Variants in CSMD1 observed in about 807,000 individuals in gnomAD.
CSMD1 encodes the protein CUB and sushi domain-containing protein 1.
CSMD1 carries 213 observed loss-of-function variants against 417.5 expected under a neutral mutation model. The observed-to-expected ratio is 0.51, with a 90% confidence interval of 0.46 to 0.57. The LOEUF (loss-of-function observed/expected upper bound fraction) is 0.57, where lower values mean the gene tolerates loss of function less well. Among genes scored for constraint, CSMD1 ranks in the 20% least tolerant of loss-of-function variants. The pLI, the probability that CSMD1 is intolerant of heterozygous loss-of-function variation, is 0.00. For missense variants in CSMD1, 6,923 were observed against 4,529.7 expected (o/e 1.53, Z -15.17); for synonymous variants, 2,862 against 1,736.8 (o/e 1.65, Z -16.11).
At chr8:3,359,432 A>C in intron 20 of CSMD1, 92 bp from the exon 21 acceptor site, 1 of 933,130 alleles carries the variant, frequency 1.1e-6, no homozygotes, top group Non-Finnish European at 1.6e-6. Context: ...TTACTAAAAA[A>C]AAAAAAAAAA....
intron 5 of CSMD1, among the ~76,000 whole-genome samples, chr8:3,807,852 G>T (rs915783482): frequency 6.6e-6 from 1 of 152,128 alleles, no homozygotes; most frequent in African/African-American, 2.4e-5. Context: ...GAATGACTGT[G>T]CTCCCTTGGG....
chr8:3,521,655 G>C (rs1797513813), intron 10 of CSMD1, among the ~76,000 whole-genome samples: 1 of 152,318 alleles, frequency 6.6e-6, no homozygotes, highest in South Asian at 2.1e-4. Flanking sequence ...GGATTAAACA[G>C]TAAATGTTAT....
intron 3 of CSMD1, among the ~76,000 whole-genome samples, chr8:4,376,662 A>G (rs1308481808): frequency 2.6e-5 from 4 of 152,208 alleles, no homozygotes; most frequent in South Asian, 2.1e-4. Flanking sequence ...AGCCGTGCTC[A>G]TATCACACCG....
intron 5 of CSMD1, among the ~76,000 whole-genome samples, chr8:3,817,282 T>TA: frequency 1.6e-5 from 1 of 64,134 alleles, no homozygotes; most frequent in African/African-American, 7.8e-5. Flanking sequence ...TTTTTTTTTT[T>TA]TTTTTTTTTT....
intron 8 of CSMD1, among the ~76,000 whole-genome samples, chr8:3,611,907 AC>A (rs1441734792): frequency 5.9e-5 from 9 of 152,098 alleles, no homozygotes; most frequent in Non-Finnish European, 2.9e-5. Flanking sequence ...TATTTTCAAA[AC>A]CCCATATCCA....
rs1584970114 is a variant in CSMD1 at position 3,307,798 on chromosome 8, C to G, written c.3847G>C (p.Ala1283Pro). 2 of 1,613,490 alleles carry G rather than the reference C, an allele frequency of 1.2e-6. No individual in the cohort carries two copies. Among genetic ancestry groups the G allele is most frequent in the Non-Finnish European group, 1.7e-6 (2 of 1,179,570 alleles). Residue 1283 changes from alanine to proline, a missense_variant, in exon 25 of 70, where the codon GCA becomes CCA. Transcript: ENST00000635120. ...CIAECGGQIH[A>P]ATSGRILSPG... The stretch of plus-strand genomic sequence containing the variant: ...GACAATATTCGTCCTGATGTGGCTG[C>G]ATGGATCTGACCACCACATTCCGCT...
intron 1 of CSMD1, among the ~76,000 whole-genome samples, chr8:4,893,680 T>A (rs985395838): frequency 2.0e-5 from 3 of 152,164 alleles, no homozygotes; most frequent in African/African-American, 7.2e-5. Flanking sequence ...TGGTTCAAAC[T>A]GTCACCTGTA....
intron 1 of CSMD1, among the ~76,000 whole-genome samples, chr8:4,802,350 C>CGT (rs1422073371): frequency 5.0e-3 from 696 of 138,634 alleles, no homozygotes; most frequent in African/African-American, 7.7e-3. Context: ...AGTGTGTGCG[C>CGT]GCGTGTGTGT....
At chr8:3,846,468 T>C (rs1196100087) in intron 5 of CSMD1, among the ~76,000 whole-genome samples, 2 of 152,178 alleles carry the variant, frequency 1.3e-5, no homozygotes, top group African/African-American at 2.4e-5. Flanking sequence ...ATAACCTTCC[T>C]CTCAGTTTTT....
chr8:4,298,126 G>T (rs1449604375), intron 3 of CSMD1, among the ~76,000 whole-genome samples: 2 of 152,014 alleles, frequency 1.3e-5, no homozygotes, highest in African/African-American at 2.4e-5. Context: ...AGGGCACTGG[G>T]GACATATTCA....
chr8:3,770,258 T>C (rs1046266594), intron 5 of CSMD1, among the ~76,000 whole-genome samples: 1 of 152,172 alleles, frequency 6.6e-6, no homozygotes, highest in South Asian at 2.1e-4. Flanking sequence ...CTGGGCACAG[T>C]GTCTCATGCC....
rs1313396241 is a variant in CSMD1, at chr8:3,195,908, T to G, written c.5194+3806A>C. On this transcript the variant is annotated intron_variant, in intron 33 of 69. Transcript: ENST00000635120. ...CTTGGAATATTTAAACTGTCAGAGGTGTTTGATCCAGAGTGACTCCATCTT... is the reference window on the plus strand; with the variant it reads ...CTTGGAATATTTAAACTGTCAGAGGGGTTTGATCCAGAGTGACTCCATCTT... Among the ~76,000 whole-genome samples, 3 of 152,134 alleles carry G rather than the reference T, an allele frequency of 2.0e-5. No homozygotes were observed. In the South Asian group the frequency reaches 6.2e-4, roughly 31 times the overall value.
intron 5 of CSMD1, among the ~76,000 whole-genome samples, chr8:3,990,702 G>C (rs571437776): frequency 6.6e-6 from 1 of 152,286 alleles, no homozygotes; most frequent in South Asian, 2.1e-4. Flanking sequence ...CTCAAATTCA[G>C]GCTTAATTCT....
chr8:4,604,795 C>T (rs1800781677), intron 2 of CSMD1, among the ~76,000 whole-genome samples: 1 of 152,134 alleles, frequency 6.6e-6, no homozygotes, highest in African/African-American at 2.4e-5. Flanking sequence ...ACTTCTTCCT[C>T]AATATTTAGT....
rs564031277 is a variant in CSMD1, at chr8:2,938,742, G to A, written c.10538C>T (p.Thr3513Met). ...GFAFYLYKHR[T>M]RPKVQYNGYA... is the part of the protein sequence containing the mutation. The stretch of plus-strand genomic sequence containing the variant: ...GCCATTGTATTGAACTTTTGGTCTC[G>A]TTCTAAGGAAAACAGAAAACAAATC... Residue 3513 changes from threonine to methionine, a missense_variant and splice_region_variant, in exon 70 of 70, where the codon ACG becomes ATG. Thr to Met is a moderately conservative substitution (Grantham distance 81). Transcript: ENST00000635120. 5 of 1,604,416 alleles carry A rather than the reference G, an allele frequency of 3.1e-6. No individual in the cohort carries two copies. Among genetic ancestry groups the A allele is most frequent in the East Asian group, 2.2e-5 (1 of 44,674 alleles).
chr8:4,444,951 G>T (rs1798695898), intron 2 of CSMD1, among the ~76,000 whole-genome samples: 1 of 152,096 alleles, frequency 6.6e-6, no homozygotes, highest in Non-Finnish European at 1.5e-5. Flanking sequence ...AAATAACTGG[G>T]AAATCTCCAC....
At chr8:4,055,363 T>A (rs1031429005) in intron 3 of CSMD1, among the ~76,000 whole-genome samples, 1 of 152,120 alleles carries the variant, frequency 6.6e-6, no homozygotes, top group African/African-American at 2.4e-5. Context: ...TTATAATTAT[T>A]GTAAATTTCA....
intron 3 of CSMD1, among the ~76,000 whole-genome samples, chr8:4,343,736 TATC>T (rs1384480639): frequency 1.3e-5 from 2 of 152,026 alleles, no homozygotes; most frequent in Non-Finnish European, 2.9e-5. Context: ...CATAAGGAAA[TATC>T]ATCTTGATGT....
chr8:3,758,119 A>C lies in CSMD1; in HGVS notation c.819-4077T>G, dbSNP rs555836397. On this transcript the variant is annotated intron_variant, in intron 5 of 69. Coordinates refer to ENST00000635120, the MANE Select transcript of CSMD1 (RefSeq NM_033225.6). ...GCTGGGATTACAGGCACCGGCCACC[A>C]CACCTGGCTAATTTTTGTATATTTA... 5.3e-5 allele frequency among the ~76,000 whole-genome samples: 8 copies of C among 152,094 alleles called. No homozygotes were observed. The South Asian group carries it at 1.7e-3, about 32-fold the overall frequency.
Sources: gnomAD v4.1 joint callset for allele counts (sites outside exome capture counted in the v4.1 genomes callset) on GRCh38, gnomAD v4.1.1 for gene constraint, MANE v1.5 for transcripts, NCBI Gene and HGNC (gene_info 2026-07-23, HGNC 2026-07-21) for gene names.